The following TGFBR2 variants were observed in gnomAD, a reference collection of about 807,000 sequenced individuals.
TGFBR2 encodes the protein transforming growth factor beta receptor 2, also known as TGF-beta receptor type-2.
Under a neutral mutation model 49.0 loss-of-function variants are expected in TGFBR2, and 18 were observed. That is an observed-to-expected ratio of 0.37 (90% CI 0.25 to 0.54). The LOEUF is 0.54. TGFBR2 is among the 20% of genes least tolerant of loss of function. The probability of loss-of-function intolerance (pLI) is 0.85; values close to 1 mark genes in which losing one functional copy is unlikely to be tolerated. For missense variants in TGFBR2, 525 were observed against 722.6 expected (o/e 0.73, Z 3.13); for synonymous variants, 282 against 275.9 (o/e 1.02, Z -0.22).
intron 3 of TGFBR2, 120 bp downstream of exon 3, chr3:30,650,580 G>A: frequency 9.3e-7 from 1 of 1,074,596 alleles, no homozygotes; most frequent in Non-Finnish European, 1.4e-6. Context: ...TGGATTAGGA[G>A]CTCATTCAGC....
chr3:30,662,887 T>C (rs922992284), intron 3 of TGFBR2, among the ~76,000 whole-genome samples: 3 of 152,334 alleles, frequency 2.0e-5, no homozygotes, highest in African/African-American at 4.8e-5. Context: ...CTAAACTGTT[T>C]AGCAAGAATA....
intron 5 of TGFBR2, among the ~76,000 whole-genome samples, chr3:30,680,920 TGAAGGCG>T (rs1699528199): frequency 6.6e-6 from 1 of 151,824 alleles, no homozygotes; most frequent in African/African-American, 2.4e-5. Flanking sequence ...GGAAGGCGGG[TGAAGGCG>T]GGTGAAGGCG....
chr3:30,631,821 A>G (rs965763001), intron 1 of TGFBR2, among the ~76,000 whole-genome samples: 2 of 152,090 alleles, frequency 1.3e-5, no homozygotes, highest in Admixed American at 1.3e-4. Context: ...GAACAGGCAC[A>G]GAGAGTGGTT....
chr3:30,636,939 C>T (rs960639123), intron 1 of TGFBR2, among the ~76,000 whole-genome samples: 1 of 151,834 alleles, frequency 6.6e-6, no homozygotes, highest in African/African-American at 2.4e-5. Flanking sequence ...TGTTGGGCAC[C>T]TGTAGTCCCA....
At chr3:30,637,996 T>A (rs1698570651) in intron 1 of TGFBR2, among the ~76,000 whole-genome samples, 1 of 152,224 alleles carries the variant, frequency 6.6e-6, no homozygotes, top group African/African-American at 2.4e-5. Context: ...GCTCACTGTG[T>A]TATCTGACTT....
rs17025745 is a variant in TGFBR2, at chr3:30,620,043, T to C, written c.94+13066T>C. ...TCTACTAAAAGTACAAAAAATTAGC[T>C]GGGCGTGGTGGCGGGTGCCTGTAGT... On this transcript the variant is annotated intron_variant, in intron 1 of 6. Transcript: ENST00000295754. 7.6e-3 allele frequency among the ~76,000 whole-genome samples: 1,161 copies of C among 152,114 alleles called. 15 individuals are homozygous for C. The highest frequency in any genetic ancestry group is 0.026 in the African/African-American group (1,079 of 41,488).
Position 30,623,108 on chromosome 3 carries a change from G to C in TGFBR2, c.94+16131G>C. On this transcript the variant is annotated intron_variant, in intron 1 of 6. Transcript: ENST00000295754. ...TTTAATAATCTCACAGTAATAGAAA[G>C]CTTCATTATTTTCAAAACAGTTTCA... 3 of 736,932 alleles carry C rather than the reference G, an allele frequency of 4.1e-6. No homozygotes were observed. In the Admixed American group the frequency reaches 6.5e-5, roughly 16 times the overall value. 45.6% of individuals were successfully genotyped at this position (736,932 alleles called of 1,614,324 possible).
chr3:30,661,716 G>T (rs1335320510), intron 3 of TGFBR2: 4 of 395,482 alleles, frequency 1.0e-5, no homozygotes, highest in Admixed American at 6.4e-5. Context: ...AAACCATCAG[G>T]AGCCTTAAAC....
rs150648421 is a variant in TGFBR2 at position 30,662,347 on chromosome 3, C to T, written c.455-9291C>T. ...GGTATTCTAGAAAGAGATTATCATA[C>T]TGGATTAGAATACATGCAAGGCTTT... On this transcript the variant is annotated intron_variant, in intron 3 of 6. Coordinates refer to ENST00000295754, the MANE Select transcript of TGFBR2 (RefSeq NM_003242.6). Among the ~76,000 whole-genome samples, 535 of 152,240 alleles carry T rather than the reference C, an allele frequency of 3.5e-3. 5 individuals carry two copies. The highest frequency in any genetic ancestry group is 0.012 in the African/African-American group (518 of 41,534).
intron 3 of TGFBR2, among the ~76,000 whole-genome samples, chr3:30,660,970 A>C (rs1214273006): frequency 1.3e-5 from 2 of 152,188 alleles, no homozygotes; most frequent in African/African-American, 4.8e-5. Flanking sequence ...AAAGCCAGGG[A>C]GAGAGAGAGG....
intron 6 of TGFBR2, among the ~76,000 whole-genome samples, chr3:30,690,466 G>T (rs929741751): frequency 1.3e-5 from 2 of 152,174 alleles, no homozygotes; most frequent in East Asian, 1.9e-4. Context: ...CTGTTTCACA[G>T]GGTTCAACCC....
chr3:30,688,545 T>G, intron 6 of TGFBR2, 34 bp downstream of exon 6: 1 of 1,613,722 alleles, frequency 6.2e-7, no homozygotes, highest in East Asian at 2.2e-5. Flanking sequence ...GTCAGTAAGA[T>G]TCAACCAAGT....
At chr3:30,671,284 T>G (rs1472354499) in intron 3 of TGFBR2, among the ~76,000 whole-genome samples, 1 of 152,108 alleles carries the variant, frequency 6.6e-6, no homozygotes, top group Non-Finnish European at 1.5e-5. Flanking sequence ...AATCAAGAGG[T>G]AGAGTCATAG....
chr3:30,651,551 A>T (rs552360726), intron 3 of TGFBR2, among the ~76,000 whole-genome samples: 19 of 152,358 alleles, frequency 1.2e-4, no homozygotes, highest in South Asian at 4.1e-4. Context: ...TATACTGTAC[A>T]TCTTTTAATT....
In TGFBR2 at chr3:30,691,609, G is replaced by A. The variant is rs766751602; in HGVS notation, c.*10G>A. ...AAACACTACCAAATAGCTCTTCTGGGGCAGGCTGGGCCATGTCCAAAGAGG... is the reference window on the plus strand; with the variant it reads ...AAACACTACCAAATAGCTCTTCTGGAGCAGGCTGGGCCATGTCCAAAGAGG... On this transcript the variant is annotated 3_prime_UTR_variant, in exon 7 of 7. Coordinates refer to ENST00000295754, the MANE Select transcript of TGFBR2 (RefSeq NM_003242.6). 4.3e-6 allele frequency: 7 copies of A among 1,613,874 alleles called. No homozygotes were observed. The highest frequency in any genetic ancestry group is 4.2e-6 in the Non-Finnish European group (5 of 1,179,956).
intron 6 of TGFBR2, among the ~76,000 whole-genome samples, chr3:30,689,710 A>G (rs1479770113): frequency 1.3e-5 from 2 of 152,232 alleles, no homozygotes; most frequent in Non-Finnish European, 2.9e-5. Context: ...TTTTGCATAA[A>G]TTCTGAAATC....
intron 1 of TGFBR2, among the ~76,000 whole-genome samples, chr3:30,625,890 A>G (rs976324878): frequency 3.3e-5 from 5 of 152,188 alleles, no homozygotes; most frequent in African/African-American, 1.2e-4. Flanking sequence ...ACCATGCCCC[A>G]TCTCTAACTA....
In TGFBR2 at chr3:30,672,454, G is replaced by A; in HGVS notation, c.1254+17G>A. On this transcript the variant is annotated intron_variant, in intron 4 of 6. Coordinates refer to ENST00000295754, the MANE Select transcript of TGFBR2 (RefSeq NM_003242.6). This position sits in a 1 kb window ranked among gnomAD's most constrained non-coding sequence, Gnocchi z 4.5. ...AGTGGGCAGGTAAGTTAGAGCTAGT[G>A]CTAGATCCCCTTTACCTTGAGCCTG... 6.2e-7 allele frequency: 1 copy of A among 1,613,786 alleles called. No individual in the cohort carries two copies. Among genetic ancestry groups the A allele is most frequent in the Non-Finnish European group, 8.5e-7 (1 of 1,179,670 alleles).
intron 1 of TGFBR2, among the ~76,000 whole-genome samples, chr3:30,625,349 T>C (rs1324139884): frequency 1.3e-5 from 2 of 152,336 alleles, no homozygotes; most frequent in East Asian, 1.9e-4. Flanking sequence ...TCCACAACTG[T>C]TAATTCTGAT....
Sources: allele counts gnomAD v4.1 joint callset (sites outside exome capture counted in the v4.1 genomes callset), GRCh38; gene constraint gnomAD v4.1.1; non-coding constraint Gnocchi (gnomAD v3.1); transcripts MANE v1.5; gene names NCBI Gene and HGNC (gene_info 2026-07-23, HGNC 2026-07-21).